The following CAMSAP2 variants were observed in gnomAD, a reference collection of about 807,000 sequenced individuals.
The protein encoded by CAMSAP2 is calmodulin-regulated spectrin-associated protein 2.
A neutral mutation model predicts 146.1 loss-of-function variants in CAMSAP2; 26 were observed. The observed-to-expected ratio is 0.18, with a 90% CI of 0.13 to 0.25. The LOEUF is 0.25. Ranked by LOEUF, CAMSAP2 falls within the 10% of genes least tolerant of loss-of-function variation. The pLI is 1.00. For missense variants in CAMSAP2, 1,381 were observed against 1,759.3 expected, an observed-to-expected ratio of 0.78 and a Z score of 3.85; for synonymous variants, 499 against 596.6, an observed-to-expected ratio of 0.84 and a Z score of 2.38.
At position 200,780,537 on chromosome 1, in the gene CAMSAP2, A is replaced by G. The variant is rs193056315; in HGVS notation, c.399+19439A>G. 7.4e-4 allele frequency among the ~76,000 whole-genome samples: 113 copies of G among 152,322 alleles called. 1 individual carries two copies. Among genetic ancestry groups the G allele is most frequent in the African/African-American group, 2.6e-3 (110 of 41,576 alleles). On this transcript the variant is annotated intron_variant, in intron 2 of 16. Transcript: ENST00000358823. ...GTACCCACCAGATCTACAATTCCTG[A>G]TAGTTACACTTTCTGTGCTCTGGCC...
At chr1:200,759,832 G>C (rs1006982730) in intron 1 of CAMSAP2, among the ~76,000 whole-genome samples, 1 of 152,174 alleles carries the variant, frequency 6.6e-6, no homozygotes, top group Non-Finnish European at 1.5e-5. Flanking sequence ...GTCCTGCTTC[G>C]ATGAGAGGTA....
intron 6 of CAMSAP2, among the ~76,000 whole-genome samples, chr1:200,838,177 G>A (rs571155126): frequency 1.2e-3 from 187 of 152,198 alleles, no homozygotes; most frequent in Non-Finnish European, 2.4e-3. Context: ...TGGCCAAATA[G>A]TACAATTAAT....
intron 11 of CAMSAP2, among the ~76,000 whole-genome samples, chr1:200,851,774 A>G (rs905490366): frequency 2.6e-5 from 4 of 152,190 alleles, no homozygotes; most frequent in African/African-American, 7.2e-5. Flanking sequence ...TTAGACACCA[A>G]AGAAATGTTT....
chr1:200,782,122 T>C (rs1665450608), intron 2 of CAMSAP2, among the ~76,000 whole-genome samples: 2 of 152,212 alleles, frequency 1.3e-5, no homozygotes, highest in South Asian at 4.1e-4. Flanking sequence ...GTATAATGCC[T>C]TAAGTAATAA....
At chr1:200,781,575 T>G (rs1463300140) in intron 2 of CAMSAP2, among the ~76,000 whole-genome samples, 3 of 152,148 alleles carry the variant, frequency 2.0e-5, no homozygotes, top group African/African-American at 7.2e-5. Context: ...AGGGTCTCCC[T>G]CTGTTGCTCA....
intron 2 of CAMSAP2, among the ~76,000 whole-genome samples, chr1:200,803,549 T>C (rs1478661604): frequency 6.6e-6 from 1 of 152,106 alleles, no homozygotes; most frequent in Non-Finnish European, 1.5e-5. Context: ...CTTTTCTAAA[T>C]CCATTGTGTA....
chr1:200,760,862 G>A lies in CAMSAP2; in HGVS notation c.163G>A (p.Glu55Lys). 1 of 1,588,578 alleles carries A rather than the reference G, an allele frequency of 6.3e-7. No homozygotes were observed. Among genetic ancestry groups the A allele is most frequent in the South Asian group, 1.2e-5 (1 of 84,894 alleles). Residue 55 changes from glutamate to lysine, a missense_variant, in exon 2 of 17, where the codon GAA becomes AAA. Glu to Lys is a moderately conservative substitution (Grantham distance 56). Around this residue, in one of 4 missense-constraint regions of CAMSAP2, gnomAD observed 284 missense variants for 406.9 expected, o/e 0.70. Transcript: ENST00000358823. ...AGAAAATGTGCCAGAGGAACTTCAA[G>A]AACCATTTTACACAGATCAGTATGA... ...GTENVPEELQEPFYTDQYDQE... is the reference protein window; with the variant it reads ...GTENVPEELQKPFYTDQYDQE...
At chr1:200,812,211 C>T (rs112911553) in intron 3 of CAMSAP2, among the ~76,000 whole-genome samples, 5 of 152,108 alleles carry the variant, frequency 3.3e-5, no homozygotes, top group Admixed American at 1.3e-4. Context: ...CTAGTGCCTA[C>T]GATGACCTTC....
At chr1:200,787,132 C>T (rs1309896828) in intron 2 of CAMSAP2, among the ~76,000 whole-genome samples, 1 of 152,128 alleles carries the variant, frequency 6.6e-6, no homozygotes, top group African/African-American at 2.4e-5. Flanking sequence ...CCTGCTAACA[C>T]AGCTTCTGTT....
Position 200,853,473 on chromosome 1 carries a change from A to G in CAMSAP2, c.3801A>G (p.Lys1267=), listed in dbSNP as rs1667676286. ...SIHRDHIESP[K]TPIKGPPVSS... The stretch of plus-strand genomic sequence containing the variant: ...ACAGAGATCATATTGAATCCCCCAA[A>G]ACACCAATAAAGGGTCCTCCAGGTA... Residue 1267 remains lysine, a synonymous_variant, in exon 13 of 17, where the codon AAA becomes AAG. Coordinates refer to ENST00000358823, the MANE Select transcript of CAMSAP2 (RefSeq NM_203459.4). This position sits in a 1 kb window ranked among gnomAD's most constrained non-coding sequence, Gnocchi z 5.1. 1 of 1,613,092 alleles carries G rather than the reference A, an allele frequency of 6.2e-7. No homozygotes were observed. Among genetic ancestry groups the G allele is most frequent in the Non-Finnish European group, 8.5e-7 (1 of 1,179,550 alleles).
At chr1:200,792,815 C>G (rs188857010) in intron 2 of CAMSAP2, among the ~76,000 whole-genome samples, 1 of 152,142 alleles carries the variant, frequency 6.6e-6, no homozygotes, top group East Asian at 1.9e-4. Flanking sequence ...CATGAAGGAT[C>G]CTGTGTTGTA....
chr1:200,855,463 C>G (rs1269315940), intron 14 of CAMSAP2, among the ~76,000 whole-genome samples: 1 of 152,128 alleles, frequency 6.6e-6, no homozygotes, highest in Non-Finnish European at 1.5e-5. Context: ...TATTACCATC[C>G]TTTGTGTTAT....
At position 200,849,170 on chromosome 1, in the gene CAMSAP2, C is replaced by T. The variant is rs1472339340; in HGVS notation, c.2401C>T (p.Leu801=). Residue 801 remains leucine, a synonymous_variant, in exon 11 of 17, where the codon CTA becomes TTA. Transcript: ENST00000358823. The surrounding 1 kb of genome is among the most constrained non-coding windows in gnomAD (Gnocchi z 6.3). Reference sequence around the variant, plus strand: ...AAAGAAAGGGGATGGGATATCTCCTCTACGAGAGGAAGCGGCGGGTGCAGA... The same window carrying T: ...AAAGAAAGGGGATGGGATATCTCCTTTACGAGAGGAAGCGGCGGGTGCAGA... ...VKKKGDGISP[L]REEAAGAEDE... 3 of 1,613,976 alleles carry T rather than the reference C, an allele frequency of 1.9e-6. No individual in the cohort carries two copies. The highest frequency in any genetic ancestry group is 1.7e-5 in the Admixed American group (1 of 59,998).
intron 7 of CAMSAP2, among the ~76,000 whole-genome samples, chr1:200,844,016 C>T (rs1198296617): frequency 3.3e-5 from 5 of 151,844 alleles, no homozygotes; most frequent in African/African-American, 7.3e-5. Flanking sequence ...GGACAACAGG[C>T]GCCTGCCACC....
intron 4 of CAMSAP2, among the ~76,000 whole-genome samples, chr1:200,823,774 TC>T (rs1344561985): frequency 6.6e-6 from 1 of 152,220 alleles, no homozygotes; most frequent in Non-Finnish European, 1.5e-5. Flanking sequence ...CATCCTGCAC[TC>T]CAAAGGAGGG....
At chr1:200,845,913 T>C (rs1361729004) in intron 8 of CAMSAP2, among the ~76,000 whole-genome samples, 1 of 152,144 alleles carries the variant, frequency 6.6e-6, no homozygotes, top group Non-Finnish European at 1.5e-5. Context: ...TCCTGACTTC[T>C]CACCCAGGTA....
intron 6 of CAMSAP2, among the ~76,000 whole-genome samples, chr1:200,834,411 TCATTC>T (rs902944327): frequency 5.9e-5 from 9 of 152,030 alleles, no homozygotes; most frequent in African/African-American, 2.2e-4. Context: ...TTTTTGAAAA[TCATTC>T]CATTCCATTC....
At chr1:200,756,588 T>C (rs1312115865) in intron 1 of CAMSAP2, among the ~76,000 whole-genome samples, 1 of 152,176 alleles carries the variant, frequency 6.6e-6, no homozygotes, top group Non-Finnish European at 1.5e-5. Flanking sequence ...AGGTAGTGAA[T>C]GTAGGTAAAC....
At chr1:200,770,237 C>G (rs969732390) in intron 2 of CAMSAP2, among the ~76,000 whole-genome samples, 4 of 151,912 alleles carry the variant, frequency 2.6e-5, no homozygotes, top group African/African-American at 9.7e-5. Context: ...TAGGTGGTGC[C>G]CTATTGATGA....
Sources: allele counts gnomAD v4.1 joint callset (sites outside exome capture counted in the v4.1 genomes callset), GRCh38; gene constraint gnomAD v4.1.1; regional missense constraint gnomAD v4.1.1; non-coding constraint Gnocchi (gnomAD v3.1); transcripts MANE v1.5; gene names NCBI Gene and HGNC (gene_info 2026-07-23, HGNC 2026-07-21).